Variants in GRM7 observed in about 807,000 individuals in gnomAD.
GRM7 encodes the protein metabotropic glutamate receptor 7.
A neutral mutation model predicts 84.5 loss-of-function variants in GRM7; 35 were observed. The observed-to-expected ratio is 0.41, with a 90% confidence interval of 0.32 to 0.55. GRM7 has a LOEUF of 0.55. Among genes scored for constraint, GRM7 ranks in the 20% least tolerant of loss-of-function variants. The pLI is 0.19. For missense variants in GRM7, 1,003 were observed against 1,194.6 expected (o/e 0.84, Z 2.36); for synonymous variants, 487 against 455.1 (o/e 1.07, Z -0.89).
chr3:7,604,236 G>A (rs985453618), intron 8 of GRM7, among the ~76,000 whole-genome samples: 2 of 151,992 alleles, frequency 1.3e-5, no homozygotes, highest in Non-Finnish European at 2.9e-5. Flanking sequence ...CTCAAAAAAG[G>A]TTATTTGTGA....
chr3:7,346,117 G>A (rs930668258), intron 4 of GRM7, among the ~76,000 whole-genome samples: 3 of 152,024 alleles, frequency 2.0e-5, no homozygotes, highest in African/African-American at 7.2e-5. Context: ...ATTTGAATTA[G>A]GTGACGGCAA....
intron 4 of GRM7, among the ~76,000 whole-genome samples, chr3:7,395,038 CAAAAA>C (rs33944777): frequency 5.9e-5 from 8 of 135,848 alleles, no homozygotes; most frequent in Admixed American, 7.7e-5. Context: ...AACTCTGTCT[CAAAAA>C]AAAAAAAAAA....
chr3:7,718,099 T>C (rs1701828279), intron 9 of GRM7, among the ~76,000 whole-genome samples: 1 of 152,188 alleles, frequency 6.6e-6, no homozygotes. Context: ...TTGGGAGTTA[T>C]ACTTAACCTC....
intron 1 of GRM7, among the ~76,000 whole-genome samples, chr3:7,032,789 A>G (rs1355748266): frequency 6.6e-6 from 1 of 152,212 alleles, no homozygotes; most frequent in Non-Finnish European, 1.5e-5. Flanking sequence ...CTAGTTCTCA[A>G]GGAAATTAGA....
At position 7,553,615 on chromosome 3, in the gene GRM7, A is replaced by G. The variant is rs547914893; in HGVS notation, c.1516-24807A>G. Among the ~76,000 whole-genome samples, 216 of 152,306 alleles carry G rather than the reference A, an allele frequency of 1.4e-3. 1 individual carries two copies. The highest frequency in any genetic ancestry group is 9.1e-3 in the South Asian group (44 of 4,820). On this transcript the variant is annotated intron_variant, in intron 7 of 9. Transcript: ENST00000357716. The stretch of plus-strand genomic sequence containing the variant: ...TGGTGGAAGGTGAAGAGGGAGCACA[A>G]GGCATCTTCTTCATAAGGTGTCAGA...
At chr3:7,317,517 A>C (rs1426645985) in intron 4 of GRM7, among the ~76,000 whole-genome samples, 2 of 152,126 alleles carry the variant, frequency 1.3e-5, no homozygotes, top group Non-Finnish European at 2.9e-5. Flanking sequence ...AGCATGATTC[A>C]ATTTACTTCT....
chr3:7,588,702 G>C (rs539892117), intron 8 of GRM7, among the ~76,000 whole-genome samples: 3 of 152,174 alleles, frequency 2.0e-5, no homozygotes. Context: ...TGAAGCTCTC[G>C]ATGTCTCTAT....
chr3:7,254,961 C>A lies in GRM7; in HGVS notation c.737-43723C>A, dbSNP rs151020906. ...CTTTCAGAGGTCTACAGATAATTAACATATATAAGACAATTTCATCAGCTG... is the reference window on the plus strand; with the variant it reads ...CTTTCAGAGGTCTACAGATAATTAAAATATATAAGACAATTTCATCAGCTG... On this transcript the variant is annotated intron_variant, in intron 2 of 9. Transcript: ENST00000357716. Among the ~76,000 whole-genome samples, 16 of 152,238 alleles carry A rather than the reference C, an allele frequency of 1.1e-4. 1 individual carries two copies. Among genetic ancestry groups the A allele is most frequent in the African/African-American group, 3.9e-4 (16 of 41,544 alleles).
chr3:7,426,101 T>TCTTTCTTC (rs1158218102), intron 5 of GRM7, among the ~76,000 whole-genome samples: 27 of 151,526 alleles, frequency 1.8e-4, no homozygotes, highest in African/African-American at 6.1e-4. Flanking sequence ...ATACGTTCTT[T>TCTTTCTTC]CTTTCTTTCT....
chr3:7,614,402 C>T (rs887808643), intron 8 of GRM7, among the ~76,000 whole-genome samples: 3 of 152,158 alleles, frequency 2.0e-5, no homozygotes, highest in African/African-American at 7.2e-5. Context: ...GAAGAATGCA[C>T]GTGCAAGGAA....
intron 9 of GRM7, among the ~76,000 whole-genome samples, chr3:7,701,298 ATT>A (rs35986412): frequency 0.033 from 3,966 of 120,406 alleles, 53 homozygotes; most frequent in Non-Finnish European, 0.04. Flanking sequence ...CTGTGGTTGC[ATT>A]TTTTTTTTTT....
chr3:7,170,521 A>G (rs1337413705), intron 2 of GRM7, among the ~76,000 whole-genome samples: 1 of 152,118 alleles, frequency 6.6e-6, no homozygotes, highest in African/African-American at 2.4e-5. Flanking sequence ...TTCTACTTCA[A>G]GTGGTTTAAT....
At chr3:6,980,775 A>G (rs1478987489) in intron 1 of GRM7, among the ~76,000 whole-genome samples, 2 of 152,222 alleles carry the variant, frequency 1.3e-5, no homozygotes, top group East Asian at 3.8e-4. Flanking sequence ...CTTCCCTGCT[A>G]GAGAAGGAAG....
At chr3:7,411,690 T>C (rs73015512) in intron 4 of GRM7, among the ~76,000 whole-genome samples, 1 of 152,306 alleles carries the variant, frequency 6.6e-6, no homozygotes, top group Non-Finnish European at 1.5e-5. Flanking sequence ...ACAGCATTTT[T>C]TTCTGTGTAT....
intron 1 of GRM7, among the ~76,000 whole-genome samples, chr3:6,909,731 A>T (rs561379551): frequency 2.6e-5 from 4 of 152,028 alleles, no homozygotes; most frequent in Admixed American, 1.3e-4. Flanking sequence ...TTGGGTCTAG[A>T]CTCGATATCA....
rs151024734 is a variant in GRM7, at chr3:7,264,155, G to A, written c.737-34529G>A. On this transcript the variant is annotated intron_variant, in intron 2 of 9. Coordinates refer to ENST00000357716, the MANE Select transcript of GRM7 (RefSeq NM_000844.4). ...GCAAGTGCAGCCAGGCTGGGATCCT[G>A]GAAAAGGCCAACATACCGAGGGGTG... Among the ~76,000 whole-genome samples, 213 of 152,250 alleles carry A rather than the reference G, an allele frequency of 1.4e-3. 1 individual carries two copies. Among genetic ancestry groups the A allele is most frequent in the African/African-American group, 4.7e-3 (195 of 41,544 alleles).
intron 7 of GRM7, among the ~76,000 whole-genome samples, chr3:7,505,860 T>A (rs937877174): frequency 2.0e-5 from 3 of 152,136 alleles, no homozygotes; most frequent in Non-Finnish European, 4.4e-5. Context: ...TCTTCCAAGT[T>A]TTTCTCCCAA....
In GRM7 at chr3:7,452,747, G is replaced by C; in HGVS notation, c.1315G>C (p.Glu439Gln). The C allele has an allele frequency of 9.3e-6, 15 of 1,613,544 alleles. No individual in the cohort carries two copies. Among genetic ancestry groups the C allele is most frequent in the Non-Finnish European group, 1.2e-5 (14 of 1,179,672 alleles). ...LCADYRGVCP[E>Q]MEQAGGKKLL... ...TGCTGACTACCGGGGTGTCTGCCCA[G>C]AGATGGAGCAAGCTGGAGGCAAGAA... Residue 439 changes from glutamate (E) to glutamine (Q), a missense_variant, in exon 6 of 10, where the codon GAG (glutamate) becomes CAG (glutamine). Physicochemically the swap from Glu to Gln is conservative, Grantham distance 29. Around this residue, in one of 2 missense-constraint regions of GRM7, gnomAD observed 910 missense variants for 1,126.0 expected, o/e 0.81. Coordinates refer to ENST00000357716, the MANE Select transcript of GRM7 (RefSeq NM_000844.4).
rs188636914 is a variant in GRM7 at position 7,622,331 on chromosome 3, C to T, written c.2451+42974C>T. 1.8e-3 allele frequency among the ~76,000 whole-genome samples: 270 copies of T among 152,212 alleles called. 1 individual carries two copies. Among genetic ancestry groups the T allele is most frequent in the African/African-American group, 6.2e-3 (257 of 41,554 alleles). On this transcript the variant is annotated intron_variant, in intron 8 of 9. Transcript: ENST00000357716. ...CTCTATGTTGTGATGCCTTTTCTTT[C>T]AAAATGCAACAGACTGCCTTGGCTG...
Sources: gnomAD v4.1 joint callset for allele counts (sites outside exome capture counted in the v4.1 genomes callset) on GRCh38, gnomAD v4.1.1 for gene constraint, gnomAD v4.1.1 regional missense constraint, MANE v1.5 for transcripts, NCBI Gene and HGNC (gene_info 2026-07-23, HGNC 2026-07-21) for gene names.